DRD3: variants seen among roughly 807,000 people sequenced by gnomAD.
The protein encoded by DRD3 is dopamine receptor D3, also known as D(3) dopamine receptor.
Under a neutral mutation model 36.3 loss-of-function variants are expected in DRD3, and 19 were observed. The ratio of observed to expected loss-of-function variants is 0.52; its 90% CI spans 0.36 to 0.77. The LOEUF is 0.77. DRD3 is among the 30% of genes least tolerant of loss of function. DRD3 has a pLI of 0.00. For missense variants in DRD3, 465 were observed against 505.3 expected (o/e 0.92, Z 0.77); for synonymous variants, 195 against 203.7 (o/e 0.96, Z 0.36).
At chr3:114,193,969 C>T (rs2078024552) in intron 1 of DRD3, among the ~76,000 whole-genome samples, 1 of 152,244 alleles carries the variant, frequency 6.6e-6, no homozygotes, top group Non-Finnish European at 1.5e-5. Context: ...ATTCTGCACT[C>T]TTGGTCAGTT....
At chr3:114,180,025 A>G (rs1194867434), upstream of DRD3, among the ~76,000 whole-genome samples, 1 of 152,160 alleles carries the variant, frequency 6.6e-6, no homozygotes, top group East Asian at 1.9e-4. Context: ...ATAATGTCTG[A>G]AAGTCACACA....
At chr3:114,143,672 C>A (rs1456721560) in intron 4 of DRD3, among the ~76,000 whole-genome samples, 1 of 152,162 alleles carries the variant, frequency 6.6e-6, no homozygotes, top group Non-Finnish European at 1.5e-5. Flanking sequence ...ACTTTTTGTG[C>A]AACTAAGCTC....
chr3:114,164,233 A>AAAAAAAAAAAAAAAAAAAAC (rs2077761442), intron 2 of DRD3, among the ~76,000 whole-genome samples: 1 of 147,764 alleles, frequency 6.8e-6, no homozygotes, highest in Non-Finnish European at 1.5e-5. Context: ...AAAAAAAAAA[A>AAAAAAAAAAAAAAAAAAAAC]AAAAAAAAAA....
chr3:114,135,184 C>CTTTT lies in DRD3; in HGVS notation c.724-3788_724-3785dup. 7.5e-4 allele frequency among the ~76,000 whole-genome samples: 2 copies of CTTTT among 2,684 alleles called. 1 individual carries two copies. The highest frequency in any genetic ancestry group is 8.5e-4 in the African/African-American group (2 of 2,350). The allele number at this position is 2,684 out of a possible 152,430, so 1.8% of individuals were successfully genotyped here. On this transcript the variant is annotated intron_variant, in intron 5 of 6. Transcript: ENST00000383673. ...GTGATTGAGAACATGTGATATTTGT[C>CTTTT]TTTTTTTTTTTTTTTTTTTTTTTTT...
At chr3:114,142,891 C>T (rs1326219243) in intron 4 of DRD3, among the ~76,000 whole-genome samples, 2 of 152,216 alleles carry the variant, frequency 1.3e-5, no homozygotes, top group Non-Finnish European at 2.9e-5. Context: ...ATTGCAGCCT[C>T]TTCCAGAATG....
At chr3:114,138,735 C>T (rs2077497340) in intron 5 of DRD3, among the ~76,000 whole-genome samples, 1 of 152,200 alleles carries the variant, frequency 6.6e-6, no homozygotes, top group African/African-American at 2.4e-5. Context: ...GGCAAACATC[C>T]TATTCAGCTC....
intron 2 of DRD3, among the ~76,000 whole-genome samples, chr3:114,165,151 T>C (rs2077771459): frequency 6.6e-6 from 1 of 152,264 alleles, no homozygotes; most frequent in Non-Finnish European, 1.5e-5. Flanking sequence ...TATGTGTTTC[T>C]TTAATAATTC....
At chr3:114,166,862 A>G (rs981886999) in intron 2 of DRD3, among the ~76,000 whole-genome samples, 16 of 152,322 alleles carry the variant, frequency 1.1e-4, no homozygotes, top group African/African-American at 3.6e-4. Flanking sequence ...ATAATCTCCA[A>G]GCCCTTCCAG....
intron 1 of DRD3, among the ~76,000 whole-genome samples, chr3:114,186,409 G>A (rs772114595): frequency 6.6e-6 from 1 of 152,174 alleles, no homozygotes; most frequent in African/African-American, 2.4e-5. Context: ...TTACAGGCAT[G>A]AGCCACTGCA....
intron 2 of DRD3, 33 bp from the exon 3 acceptor site, chr3:114,159,900 C>A (rs200381524): frequency 1.3e-6 from 2 of 1,599,294 alleles, no homozygotes; most frequent in Non-Finnish European, 1.7e-6. Flanking sequence ...TTAGTGTTTA[C>A]CCCAGTGAAG....
Position 114,131,385 on chromosome 3 carries a change from G to C in DRD3, c.739C>G (p.Pro247Ala). 2 of 1,613,450 alleles carry C rather than the reference G, an allele frequency of 1.2e-6. No homozygotes were observed. The highest frequency in any genetic ancestry group is 1.7e-6 in the Non-Finnish European group (2 of 1,179,462). ...TAACGCTTCAGCTCCAGATGTGCCGGGTCAGGAGAGAGGGTCTGCAGGTGT... is the reference window on the plus strand; with the variant it reads ...TAACGCTTCAGCTCCAGATGTGCCGCGTCAGGAGAGAGGGTCTGCAGGTGT... ...GFPQQTLSPD[P>A]AHLELKRYYS... The change falls in exon 6 of 7, where the codon CCG becomes GCG. Residue 247 changes from proline (P) to alanine (A), a missense_variant. By Grantham distance (27) the Pro-to-Ala change is conservative (BLOSUM62 -1). Transcript: ENST00000383673.
At chr3:114,173,515 A>G (rs1205959612) in intron 1 of DRD3, among the ~76,000 whole-genome samples, 1 of 152,196 alleles carries the variant, frequency 6.6e-6, no homozygotes, top group Non-Finnish European at 1.5e-5. Flanking sequence ...AGACTGTGCC[A>G]TAAATGTGTA....
At chr3:114,140,779 G>A (rs2077517069) in intron 4 of DRD3, among the ~76,000 whole-genome samples, 1 of 152,182 alleles carries the variant, frequency 6.6e-6, no homozygotes. Context: ...ATCCAGCACT[G>A]TGAGCAACAA....
At chr3:114,194,500 C>G (rs902688448) in intron 1 of DRD3, among the ~76,000 whole-genome samples, 9 of 152,162 alleles carry the variant, frequency 5.9e-5, no homozygotes, top group Non-Finnish European at 1.0e-4. Context: ...CCAGGCTGGT[C>G]TTGAACTCCT....
intron 1 of DRD3, among the ~76,000 whole-genome samples, chr3:114,187,383 A>G (rs142276935): frequency 5.4e-4 from 82 of 152,338 alleles, no homozygotes; most frequent in Non-Finnish European, 7.9e-4. Flanking sequence ...TGTATAAAGT[A>G]TATCTGCAAT....
chr3:114,194,690 C>T (rs960244792), intron 1 of DRD3, among the ~76,000 whole-genome samples: 1 of 152,228 alleles, frequency 6.6e-6, no homozygotes, highest in Non-Finnish European at 1.5e-5. Flanking sequence ...ATTAGTTTTT[C>T]ATGTGATGAA....
chr3:114,175,648 A>G (rs1002262776), intron 1 of DRD3, among the ~76,000 whole-genome samples: 5 of 152,194 alleles, frequency 3.3e-5, no homozygotes, highest in African/African-American at 9.7e-5. Context: ...AGATGTGGAA[A>G]AAATAAATAT....
chr3:114,168,922 T>G (rs1373411298), intron 2 of DRD3, among the ~76,000 whole-genome samples: 1 of 152,002 alleles, frequency 6.6e-6, no homozygotes, highest in Non-Finnish European at 1.5e-5. Flanking sequence ...CATGCGGCTA[T>G]GAATCTGGTG....
rs563081016 is a variant in DRD3 at position 114,165,793 on chromosome 3, C to T, written c.271-5926G>A. On this transcript the variant is annotated intron_variant, in intron 2 of 6. Coordinates refer to ENST00000383673, the MANE Select transcript of DRD3 (RefSeq NM_000796.6). ...CAGAATAATAAATAAGGATTTTTCA[C>T]TTCTCTGCATCTTCATTTCTCCATC... is the stretch of plus-strand genomic sequence containing the variant. Among the ~76,000 whole-genome samples, 7 of 152,118 alleles carry T rather than the reference C, an allele frequency of 4.6e-5. No individual in the cohort carries two copies. The South Asian group carries it at 1.5e-3, about 32-fold the overall frequency.
Sources: gnomAD v4.1 joint callset for allele counts (sites outside exome capture counted in the v4.1 genomes callset) on GRCh38, gnomAD v4.1.1 for gene constraint, MANE v1.5 for transcripts, NCBI Gene and HGNC (gene_info 2026-07-23, HGNC 2026-07-21) for gene names.